The following CADPS2 variants were observed in gnomAD, a reference collection of about 807,000 sequenced individuals.
CADPS2 encodes the protein calcium-dependent secretion activator 2.
Under a neutral mutation model 172.5 loss-of-function variants are expected in CADPS2, and 93 were observed. That is an observed-to-expected ratio of 0.54 (90% CI 0.46 to 0.64). The LOEUF (loss-of-function observed/expected upper bound fraction) is 0.64, where lower values mean the gene tolerates loss of function less well. CADPS2 is among the 30% of genes least tolerant of loss of function. The probability of loss-of-function intolerance (pLI) is 0.00; values close to 1 mark genes in which losing one functional copy is unlikely to be tolerated. For synonymous variants in CADPS2, 546 were observed against 555.2 expected (o/e 0.98, Z 0.23); for missense variants, 1,420 against 1,565.9 (o/e 0.91, Z 1.57).
At chr7:122,666,472 T>G (rs1203739013) in intron 2 of CADPS2, among the ~76,000 whole-genome samples, 2 of 151,868 alleles carry the variant, frequency 1.3e-5, no homozygotes, top group Non-Finnish European at 2.9e-5. Context: ...GCCTCCTGAG[T>G]AGCTGGGACT....
At chr7:122,373,198 G>A (rs2041973430) in intron 25 of CADPS2, among the ~76,000 whole-genome samples, 1 of 151,804 alleles carries the variant, frequency 6.6e-6, no homozygotes, top group Non-Finnish European at 1.5e-5. Context: ...TTAATATCCT[G>A]AAGTTTAAAG....
chr7:122,408,567 G>A (rs894394120), intron 19 of CADPS2, among the ~76,000 whole-genome samples: 7 of 152,128 alleles, frequency 4.6e-5, no homozygotes. Flanking sequence ...TGGGACCACA[G>A]ATGTATGCCA....
At chr7:122,758,407 A>G (rs184063213) in intron 1 of CADPS2, among the ~76,000 whole-genome samples, 26 of 152,326 alleles carry the variant, frequency 1.7e-4, no homozygotes, top group Admixed American at 1.3e-4. Context: ...AACATCGCGT[A>G]TGTATTATAA....
At chr7:122,332,081 CCATT>C (rs1350183809) in intron 28 of CADPS2, 1 of 152,104 alleles carries the variant, frequency 6.6e-6, no homozygotes, top group Non-Finnish European at 1.5e-5. Context: ...CCAAAAAAGC[CCATT>C]CAATTTTTTT....
At chr7:122,486,276 G>A (rs768580140) in intron 11 of CADPS2, among the ~76,000 whole-genome samples, 2 of 152,126 alleles carry the variant, frequency 1.3e-5, no homozygotes, top group South Asian at 4.1e-4. Context: ...TTGAAAACCT[G>A]GAAAGGATTC....
At chr7:122,508,077 A>G (rs1362844085) in intron 9 of CADPS2, among the ~76,000 whole-genome samples, 1 of 152,160 alleles carries the variant, frequency 6.6e-6, no homozygotes, top group African/African-American at 2.4e-5. Context: ...TTTTATACAC[A>G]TACCTGTAGA....
chr7:122,541,856 TTTA>T (rs1168489302), intron 8 of CADPS2, among the ~76,000 whole-genome samples: 2 of 83,164 alleles, frequency 2.4e-5, no homozygotes, highest in African/African-American at 6.2e-5. Context: ...TTCATATATA[TTTA>T]TATATATGCA....
At chr7:122,740,905 A>T (rs1373260508) in intron 1 of CADPS2, among the ~76,000 whole-genome samples, 1 of 152,180 alleles carries the variant, frequency 6.6e-6, no homozygotes, top group Non-Finnish European at 1.5e-5. Context: ...CTACATTCAT[A>T]AAAAGAATAC....
At chr7:122,490,021 A>G (rs546462246) in intron 11 of CADPS2, 60 bp downstream of exon 11, 2 of 1,463,102 alleles carry the variant, frequency 1.4e-6, no homozygotes, top group Admixed American at 3.5e-5. Flanking sequence ...CATTTGCCTC[A>G]ATTTTATATC....
At chr7:122,665,326 CTG>C (rs1213831520) in intron 2 of CADPS2, among the ~76,000 whole-genome samples, 4 of 152,254 alleles carry the variant, frequency 2.6e-5, no homozygotes, top group African/African-American at 7.2e-5. Context: ...CTCACACAAA[CTG>C]TTTTTCTTGT....
rs772556975 is a variant in CADPS2, at chr7:122,345,623, A to G, written c.3563T>C (p.Ile1188Thr). 33 of 1,613,374 alleles carry G rather than the reference A, an allele frequency of 2.0e-5. No individual in the cohort carries two copies. In the South Asian group the frequency reaches 3.6e-4, roughly 18 times the overall value. ...YIMFVRQNQD[I>T]LREKVNEEMY... ...TTCCTCATTGACCTTTTCTCGAAGA[A>G]TATCTTGGTTTTGCCGAACAAACAT... The change falls in exon 28 of 30, where the codon ATT (isoleucine) becomes ACT (threonine). Residue 1188 changes from isoleucine to threonine, a missense_variant. Physicochemically the swap from Ile to Thr is moderately conservative, Grantham distance 89. Transcript: ENST00000449022.
chr7:122,580,810 T>C (rs1429688985), intron 7 of CADPS2, among the ~76,000 whole-genome samples: 1 of 152,128 alleles, frequency 6.6e-6, no homozygotes, highest in Non-Finnish European at 1.5e-5. Context: ...TGATTTCAAA[T>C]ATAAAGATGA....
intron 2 of CADPS2, among the ~76,000 whole-genome samples, chr7:122,708,701 T>G (rs2088088125): frequency 6.6e-6 from 1 of 151,642 alleles, no homozygotes; most frequent in African/African-American, 2.4e-5. Context: ...AATTAAACTC[T>G]CTTCTTCATT....
intron 17 of CADPS2, among the ~76,000 whole-genome samples, chr7:122,431,559 G>GGGGAGTGTAGGAAGAGTCA (rs2049910478): frequency 6.6e-6 from 1 of 152,010 alleles, no homozygotes; most frequent in Admixed American, 6.6e-5. Context: ...CGTCAAGGGC[G>GGGGAGTGTAGGAAGAGTCA]GGGAGTGTAA....
At chr7:122,424,036 G>C (rs2048854324) in intron 17 of CADPS2, 1 of 152,144 alleles carries the variant, frequency 6.6e-6, no homozygotes, top group South Asian at 2.1e-4. Flanking sequence ...TTGCCAGATA[G>C]GATAGTGTCC....
intron 2 of CADPS2, chr7:122,701,968 G>C (rs974529801): frequency 6.2e-7 from 1 of 1,613,522 alleles, no homozygotes; most frequent in African/African-American, 1.3e-5. Context: ...ATGTGTCAAA[G>C]CAAACAACAC....
At chr7:122,728,624 AAGAATACCT>A (rs2091335187) in intron 2 of CADPS2, among the ~76,000 whole-genome samples, 1 of 151,818 alleles carries the variant, frequency 6.6e-6, no homozygotes, top group Non-Finnish European at 1.5e-5. Flanking sequence ...GGGGGACTGC[AAGAATACCT>A]AGGATAAAGG....
At chr7:122,672,213 T>C (rs1357834578) in intron 2 of CADPS2, among the ~76,000 whole-genome samples, 2 of 152,230 alleles carry the variant, frequency 1.3e-5, no homozygotes, top group Non-Finnish European at 2.9e-5. Flanking sequence ...ATAAAATACC[T>C]GAATCCTACA....
intron 7 of CADPS2, among the ~76,000 whole-genome samples, chr7:122,567,704 G>C (rs1017374097): frequency 6.6e-6 from 1 of 151,958 alleles, no homozygotes; most frequent in Non-Finnish European, 1.5e-5. Context: ...AAGAACTAGA[G>C]GTATAATATT....
Sources: gnomAD v4.1 joint callset for allele counts (sites outside exome capture counted in the v4.1 genomes callset) on GRCh38, gnomAD v4.1.1 for gene constraint, MANE v1.5 for transcripts, NCBI Gene and HGNC (gene_info 2026-07-23, HGNC 2026-07-21) for gene names.